MYO10: variants seen among roughly 807,000 people sequenced by gnomAD.
The protein encoded by MYO10 is myosin X, also known as unconventional myosin-X.
Under a neutral mutation model 257.3 loss-of-function variants are expected in MYO10, and 133 were observed. That is an observed-to-expected ratio of 0.52 (90% CI 0.45 to 0.60). The LOEUF (loss-of-function observed/expected upper bound fraction) is 0.60. Among genes scored for constraint, MYO10 ranks in the 20% least tolerant of loss-of-function variants. The pLI is 0.00. For synonymous variants in MYO10, 1,104 were observed against 1,028.6 expected (o/e 1.07, Z -1.40); for missense variants, 2,399 against 2,635.7 (o/e 0.91, Z 1.97).
chr5:16,889,742 T>C (rs1384038617), intron 1 of MYO10, among the ~76,000 whole-genome samples: 1 of 151,516 alleles, frequency 6.6e-6, no homozygotes, highest in Non-Finnish European at 1.5e-5. Flanking sequence ...ATTCCACTCC[T>C]CTTGGTGGAA....
chr5:16,808,292 AT>A (rs1742335844), intron 3 of MYO10, among the ~76,000 whole-genome samples: 1 of 152,068 alleles, frequency 6.6e-6, no homozygotes, highest in African/African-American at 2.4e-5. Flanking sequence ...ACAAGCCTCC[AT>A]CTCTACAAAA....
chr5:16,732,776 C>T lies in MYO10; in HGVS notation c.1930-21531G>A, dbSNP rs554633236. Among the ~76,000 whole-genome samples the T allele has an allele frequency of 3.1e-4, 47 of 152,204 alleles. No individual in the cohort carries two copies. In the South Asian group the frequency reaches 9.8e-3, roughly 32 times the overall value. ...CCACAAGTTCCTCAATATCCAAAGCCGGGAAAGTGGTCAAACTGAGATTTG... is the reference window on the plus strand; with the variant it reads ...CCACAAGTTCCTCAATATCCAAAGCTGGGAAAGTGGTCAAACTGAGATTTG... On this transcript the variant is annotated intron_variant, in intron 19 of 40. Transcript: ENST00000513610.
At chr5:16,773,950 C>T (rs1741136570) in intron 9 of MYO10, among the ~76,000 whole-genome samples, 1 of 152,146 alleles carries the variant, frequency 6.6e-6, no homozygotes. Context: ...ATGTCTAAAA[C>T]CAGTTCTCGC....
At position 16,666,875 on chromosome 5, in the gene MYO10, C is replaced by G. The variant is rs904163534; in HGVS notation, c.6076-82G>C. On this transcript the variant is annotated intron_variant, in intron 40 of 40. Coordinates refer to ENST00000513610, the MANE Select transcript of MYO10 (RefSeq NM_012334.3). ...CCCTGCCTAATAATCCAGACATTCCCTGGGCACCCTCCCGTAGCCTTCCAT... is the reference window on the plus strand; with the variant it reads ...CCCTGCCTAATAATCCAGACATTCCGTGGGCACCCTCCCGTAGCCTTCCAT... 5 of 1,134,360 alleles carry G rather than the reference C, an allele frequency of 4.4e-6. No homozygotes were observed. The Admixed American group carries it at 6.4e-5, about 15-fold the overall frequency. 70.3% of individuals were successfully genotyped at this position (1,134,360 alleles called of 1,614,324 possible).
intron 17 of MYO10, among the ~76,000 whole-genome samples, chr5:16,760,787 C>T (rs991761625): frequency 1.3e-5 from 2 of 152,150 alleles, no homozygotes; most frequent in East Asian, 3.9e-4. Flanking sequence ...CAGATCAAAA[C>T]TGGACTCGAT....
intron 24 of MYO10, 47 bp downstream of exon 24, chr5:16,702,496 G>C: frequency 1.3e-6 from 2 of 1,532,216 alleles, no homozygotes; most frequent in South Asian, 2.4e-5. Context: ...TTAGAAGTGG[G>C]AAGGAAGTAG....
At position 16,812,922 on chromosome 5, in the gene MYO10, T is replaced by TTTTA. The variant is rs1447869475; in HGVS notation, c.279+5083_279+5086dup. On this transcript the variant is annotated intron_variant, in intron 3 of 40. Transcript: ENST00000513610. ...ACTCTAACTTGACTATTCTGGGTGCTTTTATTTTTTTTTTTTTTTTATCAC... is the reference window on the plus strand; with the variant it reads ...ACTCTAACTTGACTATTCTGGGTGCTTTTATTTATTTTTTTTTTTTTTTTATCAC... Among the ~76,000 whole-genome samples, 12 of 130,786 alleles carry TTTTA rather than the reference T, an allele frequency of 9.2e-5. No homozygotes were observed. In the East Asian group the frequency reaches 1.9e-3, roughly 21 times the overall value. 85.8% of individuals were successfully genotyped at this position (130,786 alleles called of 152,430 possible). A position where few individuals can be genotyped will look rare whatever the true frequency, so the allele number is the denominator to read the frequency against.
At chr5:16,841,377 C>T (rs759176911) in intron 2 of MYO10, among the ~76,000 whole-genome samples, 1 of 152,112 alleles carries the variant, frequency 6.6e-6, no homozygotes, top group Non-Finnish European at 1.5e-5. Context: ...GTACTTATTA[C>T]TAACAACACA....
At chr5:16,694,737 G>A (rs1209477728) in intron 26 of MYO10, 123 bp from the exon 27 acceptor site, 8 of 1,271,852 alleles carry the variant, frequency 6.3e-6, no homozygotes, top group Admixed American at 5.7e-5. Flanking sequence ...CCGCAGCACC[G>A]CAGAGACCCC....
At chr5:16,932,915 A>C (rs746412371) in intron 1 of MYO10, among the ~76,000 whole-genome samples, 1 of 152,154 alleles carries the variant, frequency 6.6e-6, no homozygotes, top group Non-Finnish European at 1.5e-5. Context: ...CTACAGGTGC[A>C]TACCACCACA....
intron 9 of MYO10, among the ~76,000 whole-genome samples, chr5:16,779,281 G>A (rs1741328795): frequency 6.6e-6 from 1 of 152,096 alleles, no homozygotes; most frequent in African/African-American, 2.4e-5. Context: ...TGAACACACT[G>A]TCCCAAGTAA....
chr5:16,693,571 A>G (rs957454866), intron 27 of MYO10, among the ~76,000 whole-genome samples: 2 of 152,244 alleles, frequency 1.3e-5, no homozygotes, highest in Non-Finnish European at 2.9e-5. Flanking sequence ...CTGGCTGATT[A>G]GAAACATTTT....
chr5:16,768,963 A>AC, intron 10 of MYO10, 111 bp downstream of exon 10: 1 of 1,343,078 alleles, frequency 7.4e-7, no homozygotes, highest in Non-Finnish European at 9.8e-7. Flanking sequence ...GGCAAGAGCC[A>AC]CCGCACCTGG....
At chr5:16,768,798 C>T (rs987759759) in intron 10 of MYO10, among the ~76,000 whole-genome samples, 4 of 151,216 alleles carry the variant, frequency 2.6e-5, no homozygotes, top group Non-Finnish European at 5.9e-5. Flanking sequence ...ACCCTCTCCT[C>T]CCAAGCAGCT....
chr5:16,808,278 C>CA (rs769088366), intron 3 of MYO10, among the ~76,000 whole-genome samples: 6 of 152,202 alleles, frequency 3.9e-5, no homozygotes, highest in African/African-American at 1.2e-4. Flanking sequence ...ACCTGAGCAA[C>CA]ACGACAAGCC....
chr5:16,889,713 C>T (rs1310715368), intron 1 of MYO10, among the ~76,000 whole-genome samples: 3 of 151,588 alleles, frequency 2.0e-5, no homozygotes, highest in Non-Finnish European at 4.4e-5. Flanking sequence ...CAAAACAAAA[C>T]AGCTGGTTTA....
chr5:16,676,224 T>A, intron 33 of MYO10, 70 bp from the exon 34 acceptor site: 1 of 1,565,510 alleles, frequency 6.4e-7, no homozygotes, highest in Non-Finnish European at 8.7e-7. Flanking sequence ...TTTTCAAGAC[T>A]CTCAAATATC....
In MYO10 at chr5:16,934,201, G is replaced by A. The variant is rs369739539; in HGVS notation, c.21+1587C>T. 5.3e-5 allele frequency among the ~76,000 whole-genome samples: 8 copies of A among 152,348 alleles called. No homozygotes were observed. The South Asian group carries it at 1.0e-3, about 20-fold the overall frequency. On this transcript the variant is annotated intron_variant, in intron 1 of 40. Transcript: ENST00000513610. ...TAACAGGAGATCAGGACGCTGTAGC[G>A]CGTTATCCTGATGTTCCCCCCACTT...
At chr5:16,849,954 A>G (rs139327950) in intron 2 of MYO10, among the ~76,000 whole-genome samples, 14 of 152,354 alleles carry the variant, frequency 9.2e-5, no homozygotes, top group Non-Finnish European at 2.1e-4. Context: ...AAAGCACAAA[A>G]GCCCAGATGG....
Sources: gnomAD v4.1 joint callset for allele counts (sites outside exome capture counted in the v4.1 genomes callset) on GRCh38, gnomAD v4.1.1 for gene constraint, MANE v1.5 for transcripts, NCBI Gene and HGNC (gene_info 2026-07-23, HGNC 2026-07-21) for gene names.